Variants in CSMD3 observed in about 807,000 individuals in gnomAD.
CSMD3 encodes the protein CUB and sushi domain-containing protein 3.
A neutral mutation model predicts 435.2 loss-of-function variants in CSMD3; 177 were observed. That is an observed-to-expected ratio of 0.41 (90% CI 0.36 to 0.46). The LOEUF (loss-of-function observed/expected upper bound fraction) is 0.46, where lower values mean the gene tolerates loss of function less well. Ranked by LOEUF, CSMD3 falls within the 20% of genes least tolerant of loss-of-function variation. CSMD3 has a pLI of 0.34. For missense variants in CSMD3, 4,265 were observed against 4,504.6 expected, an observed-to-expected ratio of 0.95 and a Z score of 1.52; for synonymous variants, 1,656 against 1,520.5, an observed-to-expected ratio of 1.09 and a Z score of -2.07.
At chr8:112,847,923 T>C (rs1332055558) in intron 11 of CSMD3, among the ~76,000 whole-genome samples, 1 of 152,148 alleles carries the variant, frequency 6.6e-6, no homozygotes, top group East Asian at 1.9e-4. Context: ...ATGTATTGAA[T>C]GTACAAAGGT....
intron 31 of CSMD3, among the ~76,000 whole-genome samples, chr8:112,488,138 T>A (rs2130829690): frequency 6.6e-6 from 1 of 152,296 alleles, no homozygotes; most frequent in East Asian, 1.9e-4. Context: ...CTGACAAATA[T>A]AATCTCCCAG....
intron 2 of CSMD3, among the ~76,000 whole-genome samples, chr8:113,301,596 G>C (rs1195497654): frequency 6.6e-6 from 1 of 151,416 alleles, no homozygotes; most frequent in Non-Finnish European, 1.5e-5. Context: ...ATACATTTTA[G>C]TTCTTCTATC....
chr8:112,674,491 A>C (rs1000661764), intron 16 of CSMD3, among the ~76,000 whole-genome samples: 1 of 152,072 alleles, frequency 6.6e-6, no homozygotes, highest in Admixed American at 6.6e-5. Context: ...AGAGAAGCTC[A>C]ACCTTTTGTA....
intron 5 of CSMD3, among the ~76,000 whole-genome samples, chr8:113,098,080 T>C (rs1011225738): frequency 2.0e-5 from 3 of 151,994 alleles, no homozygotes; most frequent in African/African-American, 7.2e-5. Flanking sequence ...TCAAACATCT[T>C]CAAGTAATTG....
At chr8:112,499,273 A>T (rs1041800670) in intron 30 of CSMD3, among the ~76,000 whole-genome samples, 9 of 152,176 alleles carry the variant, frequency 5.9e-5, no homozygotes, top group African/African-American at 2.2e-4. Flanking sequence ...CCAGAAAAAA[A>T]TGCAACTTAT....
At chr8:113,353,731 TCA>T (rs941576793) in intron 1 of CSMD3, among the ~76,000 whole-genome samples, 18 of 152,192 alleles carry the variant, frequency 1.2e-4, no homozygotes, top group Admixed American at 3.3e-4. Context: ...TATCAGTTTT[TCA>T]CACTTACTGA....
chr8:113,247,752 AAC>A (rs2093290556), intron 3 of CSMD3, among the ~76,000 whole-genome samples: 1 of 152,120 alleles, frequency 6.6e-6, no homozygotes, highest in Admixed American at 6.6e-5. Context: ...GCTTAGCAAT[AAC>A]AGATTCTTAA....
chr8:113,222,800 A>G (rs1340288773), intron 3 of CSMD3, among the ~76,000 whole-genome samples: 1 of 150,996 alleles, frequency 6.6e-6, no homozygotes, highest in Non-Finnish European at 1.5e-5. Flanking sequence ...AATGATTCCC[A>G]TGGCTTTATA....
intron 5 of CSMD3, among the ~76,000 whole-genome samples, chr8:113,024,073 C>T (rs1021244714): frequency 3.3e-5 from 5 of 152,180 alleles, no homozygotes; most frequent in African/African-American, 9.6e-5. Flanking sequence ...CTCCTATCAA[C>T]TCACCACCTT....
At chr8:112,668,377 C>T (rs1224623334) in intron 16 of CSMD3, among the ~76,000 whole-genome samples, 1 of 152,068 alleles carries the variant, frequency 6.6e-6, no homozygotes, top group Non-Finnish European at 1.5e-5. Context: ...ATTATGTCAG[C>T]AACTCATATT....
intron 13 of CSMD3, among the ~76,000 whole-genome samples, chr8:112,716,711 C>G (rs1222062108): frequency 2.6e-5 from 4 of 152,146 alleles, no homozygotes; most frequent in African/African-American, 9.7e-5. Context: ...CAGCATAGTA[C>G]AGGTACCAAA....
intron 5 of CSMD3, among the ~76,000 whole-genome samples, chr8:113,091,741 TTTACTATC>T (rs939011159): frequency 6.6e-6 from 1 of 152,026 alleles, no homozygotes; most frequent in African/African-American, 2.4e-5. Context: ...AACTTTTTGT[TTTACTATC>T]TTTTATATTG....
intron 59 of CSMD3, among the ~76,000 whole-genome samples, chr8:112,274,784 G>A (rs1817873370): frequency 6.6e-6 from 1 of 152,026 alleles, no homozygotes; most frequent in Admixed American, 6.6e-5. Flanking sequence ...TCCAGTGGAA[G>A]AAAAATAATA....
intron 27 of CSMD3, 124 bp downstream of exon 27, chr8:112,550,547 A>T: frequency 1.6e-6 from 1 of 614,970 alleles, no homozygotes; most frequent in Non-Finnish European, 2.9e-6. Context: ...ATATAGGAAG[A>T]CTAGAAACAC....
intron 53 of CSMD3, among the ~76,000 whole-genome samples, chr8:112,300,326 T>C (rs1820795731): frequency 6.7e-6 from 1 of 149,524 alleles, no homozygotes. Flanking sequence ...GTAAACTAAG[T>C]TTACTTAAAA....
intron 9 of CSMD3, among the ~76,000 whole-genome samples, chr8:112,939,426 C>T (rs76351221): frequency 0.034 from 5,126 of 152,090 alleles, 148 homozygotes; most frequent in Middle Eastern, 0.051. Flanking sequence ...CTGAGATAAT[C>T]TAGTCCTTCA....
At chr8:112,519,053 T>C (rs1824006786) in intron 27 of CSMD3, among the ~76,000 whole-genome samples, 1 of 151,998 alleles carries the variant, frequency 6.6e-6, no homozygotes. Context: ...TCCACTGACA[T>C]GTGGGGATTA....
chr8:112,533,599 T>C (rs1825751984), intron 27 of CSMD3, among the ~76,000 whole-genome samples: 2 of 151,678 alleles, frequency 1.3e-5, no homozygotes, highest in Non-Finnish European at 2.9e-5. Context: ...GTACCCAATA[T>C]CAAAGCATCC....
In CSMD3 at chr8:113,361,151, T is replaced by A. The variant is rs1372640716; in HGVS notation, c.179-46358A>T. ...TGATTTCACTGGAAATGCATTATGA[T>A]CATGTTCTTTTCTGATTTGATTCCC... On this transcript the variant is annotated intron_variant, in intron 1 of 70. Coordinates refer to ENST00000297405, the MANE Select transcript of CSMD3 (RefSeq NM_198123.2). Among the ~76,000 whole-genome samples the A allele has an allele frequency of 5.3e-5, 8 of 152,162 alleles. No homozygotes were observed. In the East Asian group the frequency reaches 1.4e-3, roughly 26 times the overall value.
Sources: allele counts gnomAD v4.1 joint callset (sites outside exome capture counted in the v4.1 genomes callset), GRCh38; gene constraint gnomAD v4.1.1; transcripts MANE v1.5; gene names NCBI Gene and HGNC (gene_info 2026-07-23, HGNC 2026-07-21).